Variants in KIAA1217 observed in about 807,000 individuals in gnomAD.
The protein encoded by KIAA1217 is KIAA1217, also known as sickle tail protein homolog.
In KIAA1217, 88 loss-of-function variants were observed where a neutral mutation model predicts 163.9. The observed-to-expected ratio is 0.54, with a 90% CI of 0.45 to 0.64. The LOEUF is 0.64. Among genes scored for constraint, KIAA1217 ranks in the 30% least tolerant of loss-of-function variants. The pLI, the probability that KIAA1217 is intolerant of heterozygous loss-of-function variation, is 0.00. For synonymous variants in KIAA1217, 903 were observed against 923.1 expected (o/e 0.98, Z 0.39); for missense variants, 2,372 against 2,475.0 (o/e 0.96, Z 0.88).
chr10:23,817,941 T>G (rs1414819563), intron 1 of KIAA1217, among the ~76,000 whole-genome samples: 1 of 102,986 alleles, frequency 9.7e-6, no homozygotes, highest in Non-Finnish European at 2.0e-5. Flanking sequence ...AATTAAAAAA[T>G]TATAGCTTGG....
intron 2 of KIAA1217, among the ~76,000 whole-genome samples, chr10:24,100,913 A>G (rs978266193): frequency 1.3e-5 from 2 of 152,226 alleles, no homozygotes; most frequent in South Asian, 2.1e-4. Flanking sequence ...CTATTATTAA[A>G]TGCCCTAAAA....
Position 23,792,417 on chromosome 10 carries a change from T to C in KIAA1217, c.-321+97183T>C, listed in dbSNP as rs1473966216. Among the ~76,000 whole-genome samples the C allele has an allele frequency of 2.6e-5, 4 of 152,272 alleles. No homozygotes were observed. The East Asian group carries it at 7.7e-4, about 29-fold the overall frequency. ...TAAACTTTCCGCATATTAGTCTTTT[T>C]GAATGGACCTAACTTGAATGTCATT... On this transcript the variant is annotated intron_variant, in intron 1 of 18. Coordinates refer to the KIAA1217 transcript ENST00000376462.
At chr10:23,886,823 A>G (rs1841194161) in intron 1 of KIAA1217, among the ~76,000 whole-genome samples, 1 of 151,040 alleles carries the variant, frequency 6.6e-6, no homozygotes, top group African/African-American at 2.4e-5. Context: ...AGTAGGAGCA[A>G]CCAATCTTGT....
At chr10:23,807,828 G>C (rs1182022892) in intron 1 of KIAA1217, among the ~76,000 whole-genome samples, 1 of 152,214 alleles carries the variant, frequency 6.6e-6, no homozygotes, top group Non-Finnish European at 1.5e-5. Flanking sequence ...TGGACCATGA[G>C]AGAAAGCAAT....
Position 24,473,621 on chromosome 10 carries a change from C to T in KIAA1217, c.1240C>T (p.Pro414Ser). ...MSIASSHGGH[P>S]LDVPDHIIAY... is the part of the protein sequence containing the mutation. ...CATAGCCTCATCCCATGGTGGACACCCACTGGATGTCCCCGACCACATCAT... is the reference window on the plus strand; with the variant it reads ...CATAGCCTCATCCCATGGTGGACACTCACTGGATGTCCCCGACCACATCAT... The change falls in exon 6 of 21, where the codon CCA becomes TCA. Residue 414 changes from proline (P) to serine (S), a missense_variant. Pro to Ser is a moderately conservative substitution (Grantham distance 74, BLOSUM62 -1). Coordinates refer to ENST00000376454, the MANE Select transcript of KIAA1217 (RefSeq NM_019590.5). 1.2e-6 allele frequency: 2 copies of T among 1,614,118 alleles called. No homozygotes were observed. Among genetic ancestry groups the T allele is most frequent in the South Asian group, 1.1e-5 (1 of 91,086 alleles).
chr10:23,884,149 T>C (rs947527852), intron 1 of KIAA1217, among the ~76,000 whole-genome samples: 1 of 151,928 alleles, frequency 6.6e-6, no homozygotes, highest in African/African-American at 2.4e-5. Flanking sequence ...CTGGATTGTA[T>C]AGCAAGGGTG....
intron 1 of KIAA1217, among the ~76,000 whole-genome samples, chr10:23,963,200 T>C (rs1564569302): frequency 6.6e-6 from 1 of 152,190 alleles, no homozygotes; most frequent in Non-Finnish European, 1.5e-5. Context: ...CGTGACATGA[T>C]GGTTTCCTGC....
chr10:24,389,912 A>ATC (rs60157142), intron 3 of KIAA1217, among the ~76,000 whole-genome samples: 78,290 of 151,764 alleles, frequency 0.52, 22,752 homozygotes, highest in African/African-American at 0.8. Flanking sequence ...GCAGGCATCC[A>ATC]TCTCTAGTAC....
At chr10:23,828,361 G>C (rs142852389) in intron 1 of KIAA1217, among the ~76,000 whole-genome samples, 68 of 152,266 alleles carry the variant, frequency 4.5e-4, no homozygotes, top group African/African-American at 1.6e-3. Context: ...CAAACTTCTA[G>C]AAGCTCTAGA....
intron 1 of KIAA1217, among the ~76,000 whole-genome samples, chr10:23,949,668 TAA>T (rs948799704): frequency 3.0e-4 from 46 of 152,170 alleles, no homozygotes; most frequent in African/African-American, 1.0e-3. Flanking sequence ...GCAAGTATAC[TAA>T]AAGTCATTTA....
chr10:24,259,923 A>G (rs2075561612), intron 2 of KIAA1217, among the ~76,000 whole-genome samples: 1 of 152,206 alleles, frequency 6.6e-6, no homozygotes, highest in South Asian at 2.1e-4. Flanking sequence ...TGAAATGCCA[A>G]ACCATTCCAT....
chr10:23,712,229 G>A (rs112783667), intron 1 of KIAA1217, among the ~76,000 whole-genome samples: 16 of 152,084 alleles, frequency 1.1e-4, no homozygotes, highest in African/African-American at 2.9e-4. Context: ...AGGGTGGAAG[G>A]TAGAAAGAGG....
At chr10:24,313,933 G>A (rs984044657) in intron 2 of KIAA1217, among the ~76,000 whole-genome samples, 42 of 141,358 alleles carry the variant, frequency 3.0e-4, no homozygotes, top group Non-Finnish European at 3.8e-4. Context: ...TCCACCTCCC[G>A]GGCTCAAGTG....
chr10:24,238,566 C>A (rs990875057), intron 2 of KIAA1217, among the ~76,000 whole-genome samples: 3 of 152,232 alleles, frequency 2.0e-5, no homozygotes, highest in Admixed American at 1.3e-4. Flanking sequence ...GTTCTCCACA[C>A]CTTTTCCTAC....
rs1339885628 is a variant in KIAA1217, at chr10:24,220,024, A to G, written c.354+115A>G. The G allele has an allele frequency of 3.6e-6, 4 of 1,101,692 alleles. No homozygotes were observed. The African/African-American group carries it at 4.8e-5, about 13-fold the overall frequency. 68.2% of individuals were successfully genotyped at this position (1,101,692 alleles called of 1,614,324 possible). A position where few individuals can be genotyped will look rare whatever the true frequency, so the allele number is the denominator to read the frequency against. ...GATAGCTTAGTGGACTGTGCATACT[A>G]TTTAGTTGTTCTGGATTTCTTTGGG... On this transcript the variant is annotated intron_variant, in intron 2 of 20. Transcript: ENST00000376454.
intron 1 of KIAA1217, among the ~76,000 whole-genome samples, chr10:23,824,491 GGTGAC>G (rs1442721170): frequency 5.0e-5 from 4 of 79,290 alleles, no homozygotes; most frequent in African/African-American, 1.5e-4. Flanking sequence ...AGCTCAGCAT[GGTGAC>G]ATGGGCCTCT....
rs573901599 is a variant in KIAA1217, at chr10:24,015,694, G to A, written c.-171+8320G>A. 7.9e-5 allele frequency among the ~76,000 whole-genome samples: 12 copies of A among 150,990 alleles called. No individual in the cohort carries two copies. The South Asian group carries it at 1.0e-3, about 13-fold the overall frequency. On this transcript the variant is annotated intron_variant, in intron 2 of 18. Transcript: ENST00000376462. ...TGTTTGAACCTAGGAGGCAGAGGTTGCAGTGAGCCAAGATTGTGCCACTAC... is the reference window on the plus strand; with the variant it reads ...TGTTTGAACCTAGGAGGCAGAGGTTACAGTGAGCCAAGATTGTGCCACTAC...
chr10:24,136,562 A>G (rs2063839732), intron 2 of KIAA1217, among the ~76,000 whole-genome samples: 1 of 152,196 alleles, frequency 6.6e-6, no homozygotes, highest in African/African-American at 2.4e-5. Flanking sequence ...ATGACTAGTC[A>G]TCTTCGAGGG....
At chr10:24,250,195 T>C (rs2131482935) in intron 2 of KIAA1217, among the ~76,000 whole-genome samples, 1 of 152,276 alleles carries the variant, frequency 6.6e-6, no homozygotes, top group Non-Finnish European at 1.5e-5. Context: ...TCCTGGCATT[T>C]TAAGAAGAAA....
Sources: allele counts gnomAD v4.1 joint callset (sites outside exome capture counted in the v4.1 genomes callset), GRCh38; gene constraint gnomAD v4.1.1; transcripts MANE v1.5; gene names NCBI Gene and HGNC (gene_info 2026-07-23, HGNC 2026-07-21).